Variants in EPHA3 observed in about 807,000 individuals in gnomAD.
EPHA3 encodes the protein ephrin type-A receptor 3.
Under a neutral mutation model 107.1 loss-of-function variants are expected in EPHA3, and 42 were observed. The observed-to-expected ratio is 0.39, with a 90% confidence interval of 0.31 to 0.51. EPHA3 has a LOEUF of 0.51. EPHA3 is among the 20% of genes least tolerant of loss of function. The probability of loss-of-function intolerance (pLI) is 0.78; values close to 1 mark genes in which losing one functional copy is unlikely to be tolerated. For synonymous variants in EPHA3, 461 were observed against 424.8 expected, an observed-to-expected ratio of 1.09 and a Z score of -1.05; for missense variants, 1,183 against 1,211.2, an observed-to-expected ratio of 0.98 and a Z score of 0.35.
chr3:89,341,848 A>G lies in EPHA3; in HGVS notation c.1064A>G (p.Lys355Arg). 1 of 1,614,030 alleles carries G rather than the reference A, an allele frequency of 6.2e-7. No homozygotes were observed. The highest frequency in any genetic ancestry group is 8.5e-7 in the Non-Finnish European group (1 of 1,180,016). ...TGGCCCCTGGACACAGGAGGCCGGAAAGATGTTACCTTCAACATCATATGT... is the reference window on the plus strand; with the variant it reads ...TGGCCCCTGGACACAGGAGGCCGGAGAGATGTTACCTTCAACATCATATGT... ...WSWPLDTGGRKDVTFNIICKK... is the reference protein window; with the variant it reads ...WSWPLDTGGRRDVTFNIICKK... The change falls in exon 5 of 17, where the codon AAA becomes AGA. Residue 355 changes from lysine to arginine, a missense_variant. Transcript: ENST00000336596.
At chr3:89,121,703 G>A (rs1187017434) in intron 1 of EPHA3, among the ~76,000 whole-genome samples, 1 of 150,578 alleles carries the variant, frequency 6.6e-6, no homozygotes, top group Non-Finnish European at 1.5e-5. Flanking sequence ...GTTGCAGTGA[G>A]CCAAGTTTGT....
chr3:89,473,068 T>A (rs933891738), intron 16 of EPHA3, among the ~76,000 whole-genome samples: 2 of 152,170 alleles, frequency 1.3e-5, no homozygotes. Flanking sequence ...AGGAAACATA[T>A]TAAAGTCTAA....
Position 89,341,011 on chromosome 3 carries a change from T to A in EPHA3, c.910T>A (p.Cys304Ser). 1.2e-6 allele frequency: 2 copies of A among 1,614,192 alleles called. No homozygotes were observed. The highest frequency in any genetic ancestry group is 1.7e-6 in the Non-Finnish European group (2 of 1,180,014). ...TACTCAGGAAGATGGTTCAATGAAC[T>A]GCAGGTGTGAGAATAATTACTTCCG... is the stretch of plus-strand genomic sequence containing the variant. Reference protein sequence around the residue: ...SSTQEDGSMNCRCENNYFRAD... With the variant: ...SSTQEDGSMNSRCENNYFRAD... Residue 304 changes from cysteine to serine, a missense_variant, in exon 4 of 17, where the codon TGC becomes AGC. Transcript: ENST00000336596.
intron 3 of EPHA3, among the ~76,000 whole-genome samples, chr3:89,241,187 C>A (rs186105634): frequency 3.5e-4 from 53 of 151,922 alleles, no homozygotes; most frequent in African/African-American, 1.1e-3. Flanking sequence ...TATTTGATTT[C>A]TTTTTGTTTT....
At chr3:89,460,623 G>A (rs565933807) in intron 15 of EPHA3, among the ~76,000 whole-genome samples, 7 of 148,756 alleles carry the variant, frequency 4.7e-5, no homozygotes, top group East Asian at 1.9e-4. Context: ...TTCTTTTTGA[G>A]AATAACTGCT....
chr3:89,196,198 C>T (rs1705833310), intron 2 of EPHA3, among the ~76,000 whole-genome samples: 2 of 152,088 alleles, frequency 1.3e-5, no homozygotes, highest in African/African-American at 4.8e-5. Context: ...TGACTTGTCT[C>T]ATCCTTTGAG....
At chr3:89,173,670 A>C (rs535201563) in intron 2 of EPHA3, among the ~76,000 whole-genome samples, 1 of 151,984 alleles carries the variant, frequency 6.6e-6, no homozygotes. Context: ...GATGATGAGC[A>C]TTGTCTGCTT....
At chr3:89,154,272 T>A (rs1490511025) in intron 2 of EPHA3, among the ~76,000 whole-genome samples, 7 of 145,750 alleles carry the variant, frequency 4.8e-5, no homozygotes, top group Non-Finnish European at 9.2e-5. Flanking sequence ...TTTTGTTTGT[T>A]TTTTTTTTTT....
intron 2 of EPHA3, among the ~76,000 whole-genome samples, chr3:89,151,087 A>T (rs1350642240): frequency 6.6e-6 from 1 of 152,094 alleles, no homozygotes; most frequent in African/African-American, 2.4e-5. Context: ...GAGATATATT[A>T]TGAAAAAGAT....
chr3:89,241,160 C>A (rs1246497303), intron 3 of EPHA3, among the ~76,000 whole-genome samples: 1 of 151,816 alleles, frequency 6.6e-6, no homozygotes, highest in Non-Finnish European at 1.5e-5. Flanking sequence ...TAATAATATA[C>A]TTTTTAATGT....
intron 3 of EPHA3, among the ~76,000 whole-genome samples, chr3:89,305,783 T>A (rs1250690744): frequency 6.6e-6 from 1 of 152,298 alleles, no homozygotes; most frequent in African/African-American, 2.4e-5. Flanking sequence ...ACCAGACTAC[T>A]TGGCCCTATT....
intron 3 of EPHA3, among the ~76,000 whole-genome samples, chr3:89,235,276 T>A (rs1704731558): frequency 2.0e-5 from 3 of 152,044 alleles, no homozygotes; most frequent in Admixed American, 2.0e-4. Flanking sequence ...ATTTGTAGAT[T>A]TTAAAAATTT....
rs543442705 is a variant in EPHA3, at chr3:89,228,651, T to G, written c.814+18131T>G. Among the ~76,000 whole-genome samples the G allele has an allele frequency of 7.9e-5, 12 of 152,068 alleles. 1 individual carries two copies. Among genetic ancestry groups the G allele is most frequent in the Admixed American group, 2.0e-4 (3 of 15,238 alleles). Reference sequence around the variant, plus strand: ...ACCATTAAGGCATTATACAAAATACTGTGTAAGATGTAACACCTATGAAAA... The same window carrying G: ...ACCATTAAGGCATTATACAAAATACGGTGTAAGATGTAACACCTATGAAAA... On this transcript the variant is annotated intron_variant, in intron 3 of 16. Coordinates refer to ENST00000336596, the MANE Select transcript of EPHA3 (RefSeq NM_005233.6).
At chr3:89,358,281 A>G (rs1708010552) in intron 5 of EPHA3, among the ~76,000 whole-genome samples, 1 of 151,192 alleles carries the variant, frequency 6.6e-6, no homozygotes, top group South Asian at 2.1e-4. Flanking sequence ...CTGGCTGCTT[A>G]TTAAGTGATC....
intron 1 of EPHA3, among the ~76,000 whole-genome samples, chr3:89,114,756 G>A (rs1392987465): frequency 6.6e-6 from 1 of 152,222 alleles, no homozygotes. Flanking sequence ...TGGAGCGCGC[G>A]AGAGGCAAAC....
At chr3:89,230,805 CCCTCT>C (rs1704612870) in intron 3 of EPHA3, among the ~76,000 whole-genome samples, 12 of 138,904 alleles carry the variant, frequency 8.6e-5, no homozygotes, top group Admixed American at 2.9e-4. Context: ...CTCTCTCTCT[CCCTCT>C]CTCTCTCTCT....
intron 15 of EPHA3, among the ~76,000 whole-genome samples, chr3:89,467,081 A>T (rs1404317888): frequency 1.3e-5 from 2 of 152,178 alleles, no homozygotes; most frequent in Admixed American, 6.5e-5. Flanking sequence ...ATGAAAAATT[A>T]AATTCATTTT....
intron 2 of EPHA3, among the ~76,000 whole-genome samples, chr3:89,160,062 G>A (rs1023451306): frequency 1.1e-4 from 16 of 151,944 alleles, no homozygotes; most frequent in Middle Eastern, 3.4e-3. Flanking sequence ...CTCTAAGACC[G>A]TTATCCTAAA....
At chr3:89,287,622 C>G (rs780817564) in intron 3 of EPHA3, among the ~76,000 whole-genome samples, 1 of 151,770 alleles carries the variant, frequency 6.6e-6, no homozygotes, top group South Asian at 2.1e-4. Context: ...ACCAAAATAC[C>G]CAGGGACAAA....
Sources: allele counts gnomAD v4.1 joint callset (sites outside exome capture counted in the v4.1 genomes callset), GRCh38; gene constraint gnomAD v4.1.1; transcripts MANE v1.5; gene names NCBI Gene and HGNC (gene_info 2026-07-23, HGNC 2026-07-21).